ROBO2: variants seen among roughly 807,000 people sequenced by gnomAD.
ROBO2 encodes roundabout homolog 2.
A neutral mutation model predicts 160.8 loss-of-function variants in ROBO2; 53 were observed. That is an observed-to-expected ratio of 0.33 (90% CI 0.26 to 0.41). ROBO2 has a LOEUF of 0.41. Among genes scored for constraint, ROBO2 ranks in the 10% least tolerant of loss-of-function variants. ROBO2 has a pLI of 1.00. For missense variants in ROBO2, 1,577 were observed against 1,722.4 expected (o/e 0.92, Z 1.49); for synonymous variants, 664 against 611.7 (o/e 1.09, Z -1.26).
intron 2 of ROBO2, among the ~76,000 whole-genome samples, chr3:75,991,414 C>G (rs1385682007): frequency 6.6e-6 from 1 of 152,094 alleles, no homozygotes; most frequent in Non-Finnish European, 1.5e-5. Flanking sequence ...ATAAGTCTCA[C>G]AAGATCTGAT....
At chr3:77,186,553 A>G (rs2081304290) in intron 2 of ROBO2, among the ~76,000 whole-genome samples, 1 of 151,742 alleles carries the variant, frequency 6.6e-6, no homozygotes, top group African/African-American at 2.4e-5. Flanking sequence ...AAGAGATTAT[A>G]CGGAGCACAG....
chr3:76,273,120 A>ATATATATATATAT (rs1707689323), intron 2 of ROBO2, among the ~76,000 whole-genome samples: 1 of 32,330 alleles, frequency 3.1e-5, no homozygotes, highest in African/African-American at 5.7e-5. Flanking sequence ...CACACATATA[A>ATATATATATATAT]ATATATATAT....
chr3:76,104,075 C>G (rs2069817514), intron 2 of ROBO2, among the ~76,000 whole-genome samples: 1 of 152,174 alleles, frequency 6.6e-6, no homozygotes. Context: ...ACTGTCTTTT[C>G]TGAACCCTGG....
At chr3:76,107,723 TAAATCACATCTG>T (rs1321859615) in intron 2 of ROBO2, among the ~76,000 whole-genome samples, 3 of 152,122 alleles carry the variant, frequency 2.0e-5, no homozygotes, top group Non-Finnish European at 4.4e-5. Flanking sequence ...TTGAAGTGCA[TAAATCACATCTG>T]AAATCCCTAT....
At chr3:76,412,747 C>T (rs541037997) in intron 2 of ROBO2, among the ~76,000 whole-genome samples, 2 of 152,304 alleles carry the variant, frequency 1.3e-5, no homozygotes, top group African/African-American at 4.8e-5. Flanking sequence ...CTGCCTCCCT[C>T]CCAGCTGCTT....
At chr3:77,098,742 G>C (rs1041903586) in intron 2 of ROBO2, among the ~76,000 whole-genome samples, 7 of 152,010 alleles carry the variant, frequency 4.6e-5, no homozygotes, top group Non-Finnish European at 7.4e-5. Context: ...TGTAGTCCCA[G>C]CTACTCGGGA....
intron 2 of ROBO2, among the ~76,000 whole-genome samples, chr3:76,059,416 T>C (rs942434603): frequency 7.9e-5 from 12 of 152,350 alleles, no homozygotes; most frequent in African/African-American, 2.2e-4. Flanking sequence ...ATGAGCATTT[T>C]TTCATGTGTT....
At chr3:77,489,829 T>A (rs1182755456) in intron 4 of ROBO2, among the ~76,000 whole-genome samples, 1 of 152,200 alleles carries the variant, frequency 6.6e-6, no homozygotes, top group African/African-American at 2.4e-5. Context: ...TAACAGTTTT[T>A]CAATGTATAA....
chr3:76,456,621 A>G (rs2077771775), intron 2 of ROBO2, among the ~76,000 whole-genome samples: 2 of 152,230 alleles, frequency 1.3e-5, no homozygotes, highest in Admixed American at 6.5e-5. Flanking sequence ...GTACACATCA[A>G]GTAAAGTGCA....
At chr3:77,202,259 A>G (rs1252159906) in intron 2 of ROBO2, among the ~76,000 whole-genome samples, 1 of 152,180 alleles carries the variant, frequency 6.6e-6, no homozygotes, top group African/African-American at 2.4e-5. Context: ...GATCATTGTG[A>G]CTGTACAAAA....
chr3:77,603,123 A>G, intron 20 of ROBO2: 1 of 455,164 alleles, frequency 2.2e-6, no homozygotes. Context: ...TGTGTTCCTA[A>G]CAACCATGAA....
chr3:76,452,392 T>A (rs547892295), intron 2 of ROBO2, among the ~76,000 whole-genome samples: 1 of 152,130 alleles, frequency 6.6e-6, no homozygotes, highest in Admixed American at 6.6e-5. Context: ...TTCTCATTGT[T>A]CAATTCCCAG....
intron 2 of ROBO2, among the ~76,000 whole-genome samples, chr3:76,291,427 T>G (rs141529659): frequency 0.014 from 2,158 of 152,230 alleles, 43 homozygotes; most frequent in African/African-American, 0.049. Context: ...TTTTTCATTA[T>G]TAGTCTAGCT....
At chr3:76,851,082 C>G (rs903936026) in intron 2 of ROBO2, among the ~76,000 whole-genome samples, 1 of 152,110 alleles carries the variant, frequency 6.6e-6, no homozygotes, top group African/African-American at 2.4e-5. Flanking sequence ...TCTTAAGAAC[C>G]TGAGAAGTTT....
At chr3:76,049,161 A>C (rs2067558799) in intron 2 of ROBO2, among the ~76,000 whole-genome samples, 1 of 151,852 alleles carries the variant, frequency 6.6e-6, no homozygotes, top group East Asian at 1.9e-4. Flanking sequence ...TGGTGTGTGT[A>C]AGGAGCCCCC....
intron 2 of ROBO2, among the ~76,000 whole-genome samples, chr3:76,559,427 G>T (rs768155884): frequency 6.9e-4 from 105 of 152,082 alleles, no homozygotes; most frequent in Non-Finnish European, 1.0e-3. Context: ...GTACTGGGTG[G>T]AACATTTCAA....
chr3:75,918,659 T>G (rs1367868341), intron 1 of ROBO2, among the ~76,000 whole-genome samples: 8 of 152,174 alleles, frequency 5.3e-5, no homozygotes, highest in Admixed American at 2.6e-4. Flanking sequence ...AGTCTTCCTA[T>G]CCATGAGGAT....
intron 2 of ROBO2, among the ~76,000 whole-genome samples, chr3:76,985,903 G>T (rs1192339903): frequency 1.3e-5 from 2 of 152,134 alleles, no homozygotes; most frequent in Non-Finnish European, 2.9e-5. Context: ...CATTAATTTT[G>T]TTGGAAATCC....
At chr3:76,029,989 A>T (rs925177935) in intron 2 of ROBO2, among the ~76,000 whole-genome samples, 44 of 152,288 alleles carry the variant, frequency 2.9e-4, no homozygotes, top group Middle Eastern at 3.4e-3. Flanking sequence ...CCAACAGTGT[A>T]AAAGTGTTCC....
Sources: allele counts gnomAD v4.1 joint callset (sites outside exome capture counted in the v4.1 genomes callset), GRCh38; gene constraint gnomAD v4.1.1; transcripts MANE v1.5; gene names NCBI Gene and HGNC (gene_info 2026-07-23, HGNC 2026-07-21).